HERC3: variants seen among roughly 807,000 people sequenced by gnomAD.
HERC3 encodes HECT and RLD domain containing E3 ubiquitin protein ligase 3.
HERC3 carries 58 observed loss-of-function variants against 129.9 expected under a neutral mutation model. The ratio of observed to expected loss-of-function variants is 0.45; its 90% CI spans 0.36 to 0.56. The LOEUF is 0.56. Ranked by LOEUF, HERC3 falls within the 20% of genes least tolerant of loss-of-function variation. The pLI is 0.00. For missense variants in HERC3, 835 were observed against 1,244.2 expected, an observed-to-expected ratio of 0.67 and a Z score of 4.95; for synonymous variants, 430 against 451.0, an observed-to-expected ratio of 0.95 and a Z score of 0.59.
At chr4:88,573,788 T>C in the HERC3 span, among the ~76,000 whole-genome samples, 1 of 152,160 alleles carries the variant, frequency 6.6e-6, no homozygotes, top group Non-Finnish European at 1.5e-5. Context: ...CCTGTGATGG[T>C]CCAGAAAATG....
In HERC3 at chr4:88,681,268, T is replaced by A; in HGVS notation, c.2450T>A (p.Leu817Ter). Residue 817 changes from leucine to a stop codon, truncating the protein, a stop_gained, in exon 21 of 26, where the codon TTA (leucine) becomes TAA (stop). Coordinates refer to ENST00000402738, the MANE Select transcript of HERC3 (RefSeq NM_014606.3). LOFTEE classifies it high-confidence loss of function. ...LHFPLALYKK[L>*]LNVKPGLEDL... ...TTCCCATTGGCTCTCTACAAGAAGT[T>A]ACTCAATGTAAAGCCTGGCTTGGAA... The A allele has an allele frequency of 6.2e-7, 1 of 1,614,062 alleles. No individual in the cohort carries two copies. The highest frequency in any genetic ancestry group is 1.1e-5 in the South Asian group (1 of 91,060).
Position 88,704,286 on chromosome 4 carries a change from G to A in HERC3, c.2841+5G>A. 1.2e-6 allele frequency: 2 copies of A among 1,613,822 alleles called. No homozygotes were observed. The highest frequency in any genetic ancestry group is 2.2e-5 in the South Asian group (2 of 91,062). On this transcript the variant is annotated splice_donor_5th_base_variant and intron_variant, in intron 24 of 25. Transcript: ENST00000402738. ...AACTGGGAAGAACTGGAAGAGGTAAGCACAAAAGATCCTTTAACTCCTTTA... is the reference window on the plus strand; with the variant it reads ...AACTGGGAAGAACTGGAAGAGGTAAACACAAAAGATCCTTTAACTCCTTTA...
rs1729096671 is a variant in HERC3, at chr4:88,649,941, G to T, written c.328G>T (p.Ala110Ser). The change falls in exon 4 of 26, where the codon GCA (alanine) becomes TCA (serine). Residue 110 changes from alanine (A) to serine (S), a missense_variant. Physicochemically the swap from Ala to Ser is moderately conservative, Grantham distance 99. Transcript: ENST00000402738. The stretch of plus-strand genomic sequence containing the variant: ...CCGAGGCCAGCTGTTTTCTTGGGGT[G>T]CAGGGAGTGATGGTCAGCTAGGACT... The part of the protein sequence containing the change: ...SDRGQLFSWG[A>S]GSDGQLGLMT... 1.2e-6 allele frequency: 2 copies of T among 1,614,156 alleles called. No individual in the cohort carries two copies. Among genetic ancestry groups the T allele is most frequent in the Non-Finnish European group, 1.7e-6 (2 of 1,180,008 alleles).
chr4:88,528,965 C>A, the HERC3 span, among the ~76,000 whole-genome samples: 1 of 152,018 alleles, frequency 6.6e-6, no homozygotes, highest in African/African-American at 2.4e-5. Context: ...AAATGTAATT[C>A]TTAATGTTTA....
At chr4:88,664,049 A>G in intron 11 of HERC3, 104 bp from the exon 12 acceptor site, 1 of 874,254 alleles carries the variant, frequency 1.1e-6, no homozygotes, top group Non-Finnish European at 1.7e-6. Context: ...AAGAGCTGCT[A>G]TTAATGAAAT....
Position 88,662,476 on chromosome 4 carries a change from T to G in HERC3, c.1192T>G (p.Tyr398Asp). The change falls in exon 11 of 26, where the codon TAT (tyrosine) becomes GAT (aspartate). Residue 398 changes from tyrosine (Y) to aspartate (D), a missense_variant. Transcript: ENST00000402738. ...CTTCAGGACTATGAACCAAGCACAT[T>G]ATACCAGTTTAATAAATGATGAAAC... ...VDFRTMNQAH[Y>D]TSLINDETIA... The G allele has an allele frequency of 6.2e-7, 1 of 1,613,440 alleles. No individual in the cohort carries two copies. Among genetic ancestry groups the G allele is most frequent in the Non-Finnish European group, 8.5e-7 (1 of 1,179,440 alleles).
the HERC3 span, among the ~76,000 whole-genome samples, chr4:88,529,668 C>A: frequency 6.6e-6 from 1 of 151,554 alleles, no homozygotes; most frequent in South Asian, 2.1e-4. Context: ...GCAGGAGAAT[C>A]GCTTGAAACC....
chr4:88,537,117 T>A, the HERC3 span, among the ~76,000 whole-genome samples: 3 of 152,298 alleles, frequency 2.0e-5, no homozygotes, highest in African/African-American at 7.2e-5. Flanking sequence ...ACAGGACAAT[T>A]ATCAAAATCA....
At chr4:88,525,393 G>A in the HERC3 span, among the ~76,000 whole-genome samples, 1 of 152,176 alleles carries the variant, frequency 6.6e-6, no homozygotes, top group Non-Finnish European at 1.5e-5. Flanking sequence ...GGGGTGAGCT[G>A]TAGGAAAGAT....
the HERC3 span, among the ~76,000 whole-genome samples, chr4:88,536,780 G>C: frequency 9.9e-5 from 15 of 151,788 alleles, no homozygotes; most frequent in Admixed American, 9.8e-4. Context: ...TTTCAATTTA[G>C]AGAAATTCAA....
intron 3 of HERC3, among the ~76,000 whole-genome samples, chr4:88,626,545 G>C (rs1386143989): frequency 6.6e-6 from 1 of 152,012 alleles, no homozygotes; most frequent in African/African-American, 2.4e-5. Flanking sequence ...GTGACATTTT[G>C]ATATACATAT....
intron 6 of HERC3, among the ~76,000 whole-genome samples, chr4:88,653,515 G>A (rs529387620): frequency 1.2e-4 from 18 of 152,290 alleles, no homozygotes; most frequent in South Asian, 1.0e-3. Flanking sequence ...CAGAGAAGTC[G>A]TGTAGACCCA....
At chr4:88,594,329 A>C (rs2149166221) in intron 1 of HERC3, among the ~76,000 whole-genome samples, 1 of 152,338 alleles carries the variant, frequency 6.6e-6, no homozygotes, top group South Asian at 2.1e-4. Context: ...GTTATGCTTC[A>C]GTTTTATAAG....
chr4:88,655,327 T>A (rs918575950), intron 8 of HERC3, 23 bp downstream of exon 8: 1 of 1,611,938 alleles, frequency 6.2e-7, no homozygotes, highest in African/African-American at 1.3e-5. Context: ...CAAAGCTTGC[T>A]TGTATTCACT....
At chr4:88,662,261 T>G (rs116152538) in intron 10 of HERC3, among the ~76,000 whole-genome samples, 170 bp from the exon 11 acceptor site, 1,526 of 152,182 alleles carry the variant, frequency 0.01, 27 homozygotes, top group African/African-American at 0.035. Flanking sequence ...GCAACCCAGC[T>G]GGGATCTGTC....
rs1731688625 is a variant in HERC3 at position 88,672,253 on chromosome 4, G to A, written c.1911+2001G>A. Among the ~76,000 whole-genome samples the A allele has an allele frequency of 3.9e-5, 6 of 152,140 alleles. No homozygotes were observed. In the South Asian group the frequency reaches 1.2e-3, roughly 31 times the overall value. On this transcript the variant is annotated intron_variant, in intron 16 of 25. Transcript: ENST00000402738. ...ATTATGACAGTAGTCTCTGAGTAGA[G>A]ATATTTAAGTAACTTTTACAATATT...
chr4:88,611,386 A>G (rs1373472373), intron 3 of HERC3, among the ~76,000 whole-genome samples: 4 of 152,144 alleles, frequency 2.6e-5, no homozygotes, highest in Admixed American at 6.5e-5. Flanking sequence ...TGGCAGGCCT[A>G]GTTTGTTACA....
intron 2 of HERC3, among the ~76,000 whole-genome samples, chr4:88,599,421 G>A (rs1426232332): frequency 8.6e-5 from 13 of 152,024 alleles, no homozygotes; most frequent in Admixed American, 5.9e-4. Flanking sequence ...TTCCATTACT[G>A]TAACTCAGTT....
intron 3 of HERC3, among the ~76,000 whole-genome samples, chr4:88,618,749 A>G (rs1400870016): frequency 6.6e-6 from 1 of 152,248 alleles, no homozygotes; most frequent in East Asian, 1.9e-4. Flanking sequence ...TGTGAACTCA[A>G]GAAAAACAAA....
Sources: gnomAD v4.1 joint callset for allele counts (sites outside exome capture counted in the v4.1 genomes callset) on GRCh38, gnomAD v4.1.1 for gene constraint, MANE v1.5 for transcripts, NCBI Gene and HGNC (gene_info 2026-07-23, HGNC 2026-07-21) for gene names.